Variants in GPC5 observed in about 807,000 individuals in gnomAD.
GPC5 encodes the protein glypican-5.
A neutral mutation model predicts 53.9 loss-of-function variants in GPC5; 47 were observed. That is an observed-to-expected ratio of 0.87 (90% CI 0.69 to 1.11). The LOEUF (loss-of-function observed/expected upper bound fraction) is 1.11, where lower values mean the gene tolerates loss of function less well. GPC5 is among the 50% of genes most tolerant of loss of function. GPC5 has a pLI of 0.00. For missense variants in GPC5, 748 were observed against 713.1 expected (o/e 1.05, Z -0.56); for synonymous variants, 286 against 263.3 (o/e 1.09, Z -0.84).
intron 7 of GPC5, among the ~76,000 whole-genome samples, chr13:92,811,742 A>G (rs1877308688): frequency 6.6e-6 from 1 of 151,958 alleles, no homozygotes. Flanking sequence ...TTTAGCTGTT[A>G]CATTTAGGTC....
At chr13:92,619,842 A>G (rs1229292435) in intron 7 of GPC5, among the ~76,000 whole-genome samples, 1 of 152,092 alleles carries the variant, frequency 6.6e-6, no homozygotes, top group Non-Finnish European at 1.5e-5. Flanking sequence ...GAAATAATAT[A>G]CTAACTGAAA....
At chr13:92,520,888 T>A (rs1050572189) in intron 7 of GPC5, among the ~76,000 whole-genome samples, 1 of 152,142 alleles carries the variant, frequency 6.6e-6, no homozygotes, top group African/African-American at 2.4e-5. Flanking sequence ...ATCCCCATCA[T>A]CTCAACCCAA....
At chr13:92,469,995 C>T (rs1202513730) in intron 7 of GPC5, among the ~76,000 whole-genome samples, 1 of 152,068 alleles carries the variant, frequency 6.6e-6, no homozygotes, top group African/African-American at 2.4e-5. Context: ...TTATAACTAT[C>T]AGAAATGAGT....
At chr13:92,518,684 G>A (rs1880893937) in intron 7 of GPC5, among the ~76,000 whole-genome samples, 1 of 152,182 alleles carries the variant, frequency 6.6e-6, no homozygotes, top group Non-Finnish European at 1.5e-5. Context: ...ATGACAAATT[G>A]TAAAGACCAT....
chr13:92,495,432 TG>T (rs1879934972), intron 7 of GPC5, among the ~76,000 whole-genome samples: 1 of 152,172 alleles, frequency 6.6e-6, no homozygotes, highest in Non-Finnish European at 1.5e-5. Context: ...GAATCCTGAA[TG>T]ACTTTGATTG....
At chr13:92,724,063 T>G (rs1221840999) in intron 7 of GPC5, among the ~76,000 whole-genome samples, 2 of 151,618 alleles carry the variant, frequency 1.3e-5, no homozygotes, top group Non-Finnish European at 3.0e-5. Context: ...AAGTTTGCAT[T>G]TTAATGTTTT....
chr13:92,412,575 C>A (rs1446307455), intron 7 of GPC5, among the ~76,000 whole-genome samples: 6 of 152,058 alleles, frequency 3.9e-5, no homozygotes, highest in Non-Finnish European at 8.8e-5. Context: ...AATTAAAATT[C>A]CTGTCTCCAT....
At position 91,406,764 on chromosome 13, in the gene GPC5, T is replaced by C. The variant is rs1265898477; in HGVS notation, c.163+7555T>C. On this transcript the variant is annotated intron_variant, in intron 1 of 7. Transcript: ENST00000377067. ...TCTGGGTGGTAGCCAGGCACCATTG[T>C]CTCTGGAAGGTCTCCTGTTGTGAGG... Among the ~76,000 whole-genome samples, 3 of 152,252 alleles carry C rather than the reference T, an allele frequency of 2.0e-5. No homozygotes were observed. In the East Asian group the frequency reaches 5.8e-4, roughly 29 times the overall value.
At chr13:92,551,619 G>A (rs1339394034) in intron 7 of GPC5, among the ~76,000 whole-genome samples, 1 of 151,898 alleles carries the variant, frequency 6.6e-6, no homozygotes. Context: ...TAGATTTGGT[G>A]TGGCAGAGCA....
At chr13:91,583,443 A>G (rs1454008155) in intron 2 of GPC5, among the ~76,000 whole-genome samples, 2 of 152,216 alleles carry the variant, frequency 1.3e-5, no homozygotes, top group Non-Finnish European at 2.9e-5. Context: ...GAAATATACC[A>G]ACAATAAAAT....
intron 5 of GPC5, among the ~76,000 whole-genome samples, chr13:91,780,517 C>T (rs2037782190): frequency 6.6e-6 from 1 of 151,946 alleles, no homozygotes; most frequent in Admixed American, 6.6e-5. Context: ...TTTCTCTTAC[C>T]TCTACCCTTC....
At chr13:92,798,877 T>C (rs921983055) in intron 7 of GPC5, among the ~76,000 whole-genome samples, 4 of 151,872 alleles carry the variant, frequency 2.6e-5, no homozygotes, top group Non-Finnish European at 5.9e-5. Flanking sequence ...CTAAATGTAG[T>C]TTTATGATTT....
intron 7 of GPC5, among the ~76,000 whole-genome samples, chr13:92,483,650 A>C (rs1879440871): frequency 6.6e-6 from 1 of 152,118 alleles, no homozygotes; most frequent in African/African-American, 2.4e-5. Flanking sequence ...TAATAAATTT[A>C]CCTTAACACT....
intron 2 of GPC5, among the ~76,000 whole-genome samples, chr13:91,516,691 C>A (rs533565538): frequency 2.0e-5 from 3 of 152,302 alleles, no homozygotes; most frequent in Admixed American, 2.0e-4. Flanking sequence ...TGTGTGGGGG[C>A]TCTGACCCCA....
chr13:92,226,442 T>C (rs2042486899), intron 7 of GPC5, among the ~76,000 whole-genome samples: 1 of 152,134 alleles, frequency 6.6e-6, no homozygotes, highest in East Asian at 1.9e-4. Context: ...ACAACTTTAA[T>C]ACTACAACTT....
intron 7 of GPC5, among the ~76,000 whole-genome samples, chr13:92,715,295 A>T (rs1282143733): frequency 6.6e-6 from 1 of 152,218 alleles, no homozygotes; most frequent in Non-Finnish European, 1.5e-5. Context: ...TACTATTTAT[A>T]GACTGTAAGA....
intron 7 of GPC5, among the ~76,000 whole-genome samples, chr13:92,538,546 G>A (rs1365803146): frequency 6.9e-6 from 1 of 145,924 alleles, no homozygotes; most frequent in Admixed American, 6.9e-5. Context: ...ATGTGCCATG[G>A]TGGTTTGCTA....
intron 3 of GPC5, among the ~76,000 whole-genome samples, chr13:91,715,577 T>C (rs1434118044): frequency 6.6e-6 from 1 of 152,118 alleles, no homozygotes; most frequent in African/African-American, 2.4e-5. Context: ...TGCTTTCCCT[T>C]CTCTGTCAGC....
intron 2 of GPC5, among the ~76,000 whole-genome samples, chr13:91,587,274 G>A (rs543744021): frequency 8.5e-4 from 129 of 152,182 alleles, no homozygotes; most frequent in African/African-American, 2.9e-3. Flanking sequence ...TTGATATACA[G>A]AGTATAAGTA....
Sources: allele counts gnomAD v4.1 joint callset (sites outside exome capture counted in the v4.1 genomes callset), GRCh38; gene constraint gnomAD v4.1.1; transcripts MANE v1.5; gene names NCBI Gene and HGNC (gene_info 2026-07-23, HGNC 2026-07-21).